The following MLLT11 variants were observed in gnomAD, a reference collection of about 807,000 sequenced individuals.
MLLT11 encodes MLLT11 transcription factor 7 cofactor.
In MLLT11, 1 loss-of-function variant was observed where a neutral mutation model predicts 5.3. The ratio of observed to expected loss-of-function variants is 0.19; its 90% confidence interval spans 0.07 to 0.89. The LOEUF (loss-of-function observed/expected upper bound fraction) is 0.89, where lower values mean the gene tolerates loss of function less well. Among genes scored for constraint, MLLT11 ranks in the 40% least tolerant of loss-of-function variants. The pLI, the probability that MLLT11 is intolerant of heterozygous loss-of-function variation, is 0.67. For missense variants in MLLT11, 87 were observed against 107.3 expected (o/e 0.81, Z 0.83); for synonymous variants, 38 against 41.7 (o/e 0.91, Z 0.34).
intron 1 of MLLT11, among the ~76,000 whole-genome samples, chr1:151,064,717 C>T (rs142844300): frequency 0.011 from 1,640 of 152,286 alleles, 30 homozygotes; most frequent in African/African-American, 0.037. Flanking sequence ...CAGCATGACA[C>T]AGCAAGGCCC....
At position 151,067,920 on chromosome 1, in the gene MLLT11, T is replaced by G. The variant is rs1676497264; in HGVS notation, c.*423T>G. On this transcript the variant is annotated 3_prime_UTR_variant, in exon 2 of 2. Transcript: ENST00000368921. The stretch of plus-strand genomic sequence containing the variant: ...ACACAAATATTTCTTCAAGGGGTGA[T>G]GAAAACCTCGGAAGTTTTAATTTGA... 4.0e-6 allele frequency: 1 copy of G among 252,766 alleles called. No homozygotes were observed. The highest frequency in any genetic ancestry group is 2.2e-5 in the African/African-American group (1 of 45,414). 15.7% of individuals were successfully genotyped at this position (252,766 alleles called of 1,614,324 possible).
chr1:151,063,883 C>T (rs1676441068), intron 1 of MLLT11, among the ~76,000 whole-genome samples: 1 of 152,202 alleles, frequency 6.6e-6, no homozygotes, highest in South Asian at 2.1e-4. Context: ...GTTAAAATAC[C>T]TTCTTCCAAT....
chr1:151,062,357 T>A (rs1490916830), intron 1 of MLLT11, among the ~76,000 whole-genome samples: 2 of 150,250 alleles, frequency 1.3e-5, no homozygotes, highest in African/African-American at 5.0e-5. Context: ...TTTCCCCCCA[T>A]GATTCTATTT....
In MLLT11 at chr1:151,067,387, G is replaced by A. The variant is rs761812866; in HGVS notation, c.163G>A (p.Ala55Thr). The change falls in exon 2 of 2, where the codon GCA becomes ACA. Residue 55 changes from alanine (A) to threonine (T), a missense_variant. Physicochemically the swap from Ala to Thr is moderately conservative, Grantham distance 58. Coordinates refer to ENST00000368921, the MANE Select transcript of MLLT11 (RefSeq NM_006818.4). ...VGKMIGQATA[A>T]DQEKNPEGDG... ...CAAAATGATCGGGCAAGCAACTGCA[G>A]CAGACCAGGAGAAAAACCCTGAAGG... The A allele has an allele frequency of 6.2e-7, 1 of 1,614,172 alleles. No homozygotes were observed. Among genetic ancestry groups the A allele is most frequent in the East Asian group, 2.2e-5 (1 of 44,888 alleles).
At chr1:151,063,609 TAGA>T (rs1676435898) in intron 1 of MLLT11, among the ~76,000 whole-genome samples, 1 of 152,064 alleles carries the variant, frequency 6.6e-6, no homozygotes, top group Non-Finnish European at 1.5e-5. Context: ...GTACTTTTAG[TAGA>T]GACGGGGTTT....
In MLLT11 at chr1:151,069,344, A is replaced by T. The variant is rs1163180151; in HGVS notation, c.*1847A>T. 6.6e-6 allele frequency among the ~76,000 whole-genome samples: 1 copy of T among 152,188 alleles called. No homozygotes were observed. Among genetic ancestry groups the T allele is most frequent in the Non-Finnish European group, 1.5e-5 (1 of 68,024 alleles). On this transcript the variant is annotated 3_prime_UTR_variant, in exon 2 of 2. Transcript: ENST00000368921. Reference sequence around the variant, plus strand: ...AAGTCCCCAGGTGGGAGAAAAAAAGACAAATCCTCCCTCTAGGCCATGAAA... The same window carrying T: ...AAGTCCCCAGGTGGGAGAAAAAAAGTCAAATCCTCCCTCTAGGCCATGAAA...
chr1:151,065,975 G>A (rs587718894), intron 1 of MLLT11, among the ~76,000 whole-genome samples: 1 of 152,046 alleles, frequency 6.6e-6, no homozygotes. Flanking sequence ...CAAGTAGCTG[G>A]GACTACAGGC....
At chr1:151,064,379 G>A (rs1676448164) in intron 1 of MLLT11, among the ~76,000 whole-genome samples, 1 of 152,170 alleles carries the variant, frequency 6.6e-6, no homozygotes. Context: ...GAGAGAAATG[G>A]ATTGTTAAGG....
chr1:151,061,524 T>C (rs1388318784), intron 1 of MLLT11, among the ~76,000 whole-genome samples: 1 of 152,210 alleles, frequency 6.6e-6, no homozygotes, highest in Non-Finnish European at 1.5e-5. Flanking sequence ...AAGTGAAGGA[T>C]AGTGGGAAGC....
chr1:151,063,981 A>C (rs1676442029), intron 1 of MLLT11, among the ~76,000 whole-genome samples: 1 of 152,090 alleles, frequency 6.6e-6, no homozygotes. Flanking sequence ...CAGAGAAAAG[A>C]GATCCCTGTT....
intron 1 of MLLT11, among the ~76,000 whole-genome samples, chr1:151,064,117 G>A (rs912062480): frequency 6.6e-6 from 1 of 152,034 alleles, no homozygotes; most frequent in Admixed American, 6.6e-5. Context: ...CACCTCCCAG[G>A]TTCAAGCAAT....
intron 1 of MLLT11, chr1:151,066,994 T>TGTCCAAG (rs1553258204): frequency 4.9e-6 from 2 of 405,840 alleles, no homozygotes; most frequent in Non-Finnish European, 8.6e-6. Flanking sequence ...CAAGGGAACT[T>TGTCCAAG]GGATTCTCTC....
Position 151,067,328 on chromosome 1 carries a change from C to T in MLLT11, c.104C>T (p.Thr35Ile), listed in dbSNP as rs1323383562. ...CTGGAAGGCCTGGGTCTGTCAGATA[C>T]AGCCACCTACAAGGTCAAAGACAGC... ...SELEGLGLSD[T>I]ATYKVKDSSV... The change falls in exon 2 of 2, where the codon ACA (threonine) becomes ATA (isoleucine). Residue 35 changes from threonine (T) to isoleucine (I), a missense_variant. By Grantham distance (89) the Thr-to-Ile change is moderately conservative. Transcript: ENST00000368921. 2 of 1,614,128 alleles carry T rather than the reference C, an allele frequency of 1.2e-6. No individual in the cohort carries two copies. Among genetic ancestry groups the T allele is most frequent in the Non-Finnish European group, 1.7e-6 (2 of 1,180,030 alleles).
rs1571858695 is a variant in MLLT11 at position 151,068,525 on chromosome 1, G to C, written c.*1028G>C. Reference sequence around the variant, plus strand: ...GGAGTCTAATTTTCTCTCTTCACAAGAAAAGCCACAGAAATCTGAGAAATT... The same window carrying C: ...GGAGTCTAATTTTCTCTCTTCACAACAAAAGCCACAGAAATCTGAGAAATT... On this transcript the variant is annotated 3_prime_UTR_variant, in exon 2 of 2. Transcript: ENST00000368921. 1.0e-5 allele frequency: 2 copies of C among 200,370 alleles called. No homozygotes were observed. The highest frequency in any genetic ancestry group is 4.7e-5 in the African/African-American group (2 of 42,762). 12.4% of individuals were successfully genotyped at this position (200,370 alleles called of 1,614,324 possible).
intron 1 of MLLT11, among the ~76,000 whole-genome samples, chr1:151,063,211 T>C (rs1187750949): frequency 6.6e-6 from 1 of 152,214 alleles, no homozygotes; most frequent in Non-Finnish European, 1.5e-5. Flanking sequence ...ACACTTTCTT[T>C]TTCTGCCTTA....
Position 151,068,026 on chromosome 1 carries a change from T to A in MLLT11, c.*529T>A. On this transcript the variant is annotated 3_prime_UTR_variant, in exon 2 of 2. Coordinates refer to ENST00000368921, the MANE Select transcript of MLLT11 (RefSeq NM_006818.4). ...TTTTTTTGATCCTGCTCTTATATTC[T>A]TTTTTTTCCTCAGAGAAATCAGGAG... 4.2e-6 allele frequency: 1 copy of A among 239,608 alleles called. No individual in the cohort carries two copies. The highest frequency in any genetic ancestry group is 8.8e-6 in the Non-Finnish European group (1 of 113,032). The allele number at this position is 239,608 out of a possible 1,614,324, so 14.8% of individuals were successfully genotyped here. A position where few individuals can be genotyped will look rare whatever the true frequency, so the allele number is the denominator to read the frequency against.
intron 1 of MLLT11, among the ~76,000 whole-genome samples, chr1:151,063,503 G>A (rs1045506575): frequency 2.6e-5 from 4 of 152,042 alleles, no homozygotes; most frequent in Admixed American, 6.6e-5. Flanking sequence ...TCAGCTCACC[G>A]CAAGCTCCGC....
In MLLT11 at chr1:151,068,340, A is replaced by G. The variant is rs1487261078; in HGVS notation, c.*843A>G. 1 of 225,998 alleles carries G rather than the reference A, an allele frequency of 4.4e-6. No homozygotes were observed. The highest frequency in any genetic ancestry group is 2.3e-5 in the African/African-American group (1 of 44,196). 14.0% of individuals were successfully genotyped at this position (225,998 alleles called of 1,614,324 possible). On this transcript the variant is annotated 3_prime_UTR_variant, in exon 2 of 2. Coordinates refer to ENST00000368921, the MANE Select transcript of MLLT11 (RefSeq NM_006818.4). Reference sequence around the variant, plus strand: ...TTACCTCCTGCATTTGCAATACGTAATACTGATCAGTGGGCACAGTTCTTC... The same window carrying G: ...TTACCTCCTGCATTTGCAATACGTAGTACTGATCAGTGGGCACAGTTCTTC...
chr1:151,061,592 A>G (rs1209602630), intron 1 of MLLT11, among the ~76,000 whole-genome samples: 1 of 152,210 alleles, frequency 6.6e-6, no homozygotes, highest in Non-Finnish European at 1.5e-5. Context: ...AGTAAATGAT[A>G]CCATTTAAGA....
Sources: gnomAD v4.1 joint callset for allele counts (sites outside exome capture counted in the v4.1 genomes callset) on GRCh38, gnomAD v4.1.1 for gene constraint, MANE v1.5 for transcripts, NCBI Gene and HGNC (gene_info 2026-07-23, HGNC 2026-07-21) for gene names.